The following KNTC1 variants were observed in gnomAD, a reference collection of about 807,000 sequenced individuals.
KNTC1 encodes kinetochore-associated protein 1.
A neutral mutation model predicts 314.4 loss-of-function variants in KNTC1; 253 were observed. The ratio of observed to expected loss-of-function variants is 0.80; its 90% CI spans 0.73 to 0.89. The LOEUF is 0.89. KNTC1 is among the 40% of genes least tolerant of loss of function. The pLI, the probability that KNTC1 is intolerant of heterozygous loss-of-function variation, is 0.00. For missense variants in KNTC1, 2,475 were observed against 2,572.9 expected, an observed-to-expected ratio of 0.96 and a Z score of 0.82; for synonymous variants, 901 against 901.4, an observed-to-expected ratio of 1.00 and a Z score of 0.01.
At chr12:122,585,343 G>A (rs111858655) in intron 36 of KNTC1, among the ~76,000 whole-genome samples, 4 of 152,108 alleles carry the variant, frequency 2.6e-5, no homozygotes, top group East Asian at 1.9e-4. Context: ...CACCTGGGCC[G>A]TTTTTTAATC....
chr12:122,614,047 T>C (rs913739662), intron 55 of KNTC1, among the ~76,000 whole-genome samples: 4 of 152,102 alleles, frequency 2.6e-5, no homozygotes, highest in African/African-American at 9.7e-5. Flanking sequence ...GCCAGGCTGG[T>C]CTCGAACTCC....
At chr12:122,540,126 T>C (rs1962178061) in intron 5 of KNTC1, among the ~76,000 whole-genome samples, 1 of 151,746 alleles carries the variant, frequency 6.6e-6, no homozygotes, top group African/African-American at 2.4e-5. Context: ...TTCAAATTTG[T>C]GGTTAATAAA....
At chr12:122,559,983 A>G (rs1312359781) in intron 18 of KNTC1, among the ~76,000 whole-genome samples, 1 of 152,194 alleles carries the variant, frequency 6.6e-6, no homozygotes, top group African/African-American at 2.4e-5. Flanking sequence ...AACTCTGCCC[A>G]TTAAACACAG....
chr12:122,530,226 G>C, intron 2 of KNTC1, 34 bp downstream of exon 2: 4 of 1,599,110 alleles, frequency 2.5e-6, no homozygotes, highest in Non-Finnish European at 3.4e-6. Flanking sequence ...TTCATTCACA[G>C]AATTTTTACT....
intron 24 of KNTC1, among the ~76,000 whole-genome samples, chr12:122,571,924 C>T (rs908638545): frequency 6.6e-6 from 1 of 151,738 alleles, no homozygotes; most frequent in African/African-American, 2.4e-5. Flanking sequence ...CTGCACTGCT[C>T]GGCCTCCCAA....
intron 36 of KNTC1, among the ~76,000 whole-genome samples, chr12:122,585,204 A>T (rs536390184): frequency 1.3e-5 from 2 of 151,530 alleles, no homozygotes; most frequent in East Asian, 1.9e-4. Flanking sequence ...CTGACTAATT[A>T]AAAAAAAATT....
At chr12:122,535,477 C>T (rs1961721196) in intron 3 of KNTC1, among the ~76,000 whole-genome samples, 1 of 152,126 alleles carries the variant, frequency 6.6e-6, no homozygotes, top group East Asian at 1.9e-4. Context: ...CCCGTTTTCT[C>T]TACTAATATA....
chr12:122,624,419 A>G (rs1041450078), intron 62 of KNTC1, among the ~76,000 whole-genome samples, 179 bp from the exon 63 acceptor site: 1 of 152,034 alleles, frequency 6.6e-6, no homozygotes, highest in Non-Finnish European at 1.5e-5. Flanking sequence ...CAAGTGTGCA[A>G]CACCACACCT....
chr12:122,553,194 A>G (rs1415779337), intron 16 of KNTC1, among the ~76,000 whole-genome samples: 1 of 151,252 alleles, frequency 6.6e-6, no homozygotes, highest in Non-Finnish European at 1.5e-5. Context: ...TAGTGGGTGG[A>G]ATCAGCAGGA....
At chr12:122,591,596 G>T in intron 42 of KNTC1, 143 bp downstream of exon 42, 1 of 553,620 alleles carries the variant, frequency 1.8e-6, no homozygotes, top group South Asian at 2.4e-5. Context: ...ACACATAGGT[G>T]CTTTCAAAGA....
chr12:122,536,247 A>G (rs1458875381), intron 3 of KNTC1, among the ~76,000 whole-genome samples: 1 of 143,066 alleles, frequency 7.0e-6, no homozygotes, highest in Admixed American at 7.0e-5. Flanking sequence ...TTTTTTTTTG[A>G]GATGTAGTCT....
In KNTC1 at chr12:122,530,154, T is replaced by G; in HGVS notation, c.91T>G (p.Tyr31Asp). 6.2e-7 allele frequency: 1 copy of G among 1,613,702 alleles called. No homozygotes were observed. Among genetic ancestry groups the G allele is most frequent in the Non-Finnish European group, 8.5e-7 (1 of 1,179,658 alleles). Reference sequence around the variant, plus strand: ...AAGAAAAGAACATGGAACTGCTTTATATCAAGTAGATTTGCTAGTGAAGAT... The same window carrying G: ...AAGAAAAGAACATGGAACTGCTTTAGATCAAGTAGATTTGCTAGTGAAGAT... ...GSRKEHGTAL[Y>D]QVDLLVKISS... The change falls in exon 2 of 64, where the codon TAT becomes GAT. Residue 31 changes from tyrosine to aspartate, a missense_variant. Transcript: ENST00000333479.
At chr12:122,529,574 A>G (rs1370978803) in intron 1 of KNTC1, among the ~76,000 whole-genome samples, 1 of 152,192 alleles carries the variant, frequency 6.6e-6, no homozygotes, top group Non-Finnish European at 1.5e-5. Context: ...TCTGAACTTC[A>G]TCTGGAATCT....
chr12:122,598,850 C>T (rs1175168778), intron 44 of KNTC1, among the ~76,000 whole-genome samples: 1 of 151,598 alleles, frequency 6.6e-6, no homozygotes, highest in Non-Finnish European at 1.5e-5. Context: ...CTCACTGTCA[C>T]CCAGGCTGGA....
intron 44 of KNTC1, 32 bp from the exon 45 acceptor site, chr12:122,601,504 T>A: frequency 6.7e-7 from 1 of 1,494,470 alleles, no homozygotes; most frequent in Non-Finnish European, 9.0e-7. Context: ...CAAAGTCTTA[T>A]CAAGTTTTGA....
chr12:122,608,631 C>G (rs1397548065), intron 51 of KNTC1, among the ~76,000 whole-genome samples: 1 of 152,160 alleles, frequency 6.6e-6, no homozygotes, highest in African/African-American at 2.4e-5. Flanking sequence ...AAGGTACACA[C>G]TAAAAGTTCC....
chr12:122,591,879 C>T lies in KNTC1; in HGVS notation c.4245+426C>T, dbSNP rs139213889. On this transcript the variant is annotated intron_variant, in intron 42 of 63. Coordinates refer to ENST00000333479, the MANE Select transcript of KNTC1 (RefSeq NM_014708.6). The stretch of plus-strand genomic sequence containing the variant: ...GTGTGCGGGCAGTCCTCACAGCCCT[C>T]GCTCGCTCTCGGCGCCTCCTCTGCC... Among the ~76,000 whole-genome samples the T allele has an allele frequency of 8.5e-3, 1,300 of 152,346 alleles. 17 individuals carry two copies. Among genetic ancestry groups the T allele is most frequent in the African/African-American group, 0.03 (1,257 of 41,568 alleles).
At position 122,604,969 on chromosome 12, in the gene KNTC1, G is replaced by A. The variant is rs1212011326; in HGVS notation, c.5268G>A (p.Lys1756=). The A allele has an allele frequency of 4.3e-6, 7 of 1,612,616 alleles. No homozygotes were observed. The South Asian group carries it at 6.6e-5, about 15-fold the overall frequency. ...CAGAAGCTGTGCTCATAGCCCACAA[G>A]CTGAACACTGAGGAATATTTAAGAG... The part of the protein sequence containing the change: ...SGTEAVLIAH[K]LNTEEYLRVI... Residue 1756 remains lysine (K), a synonymous_variant, in exon 50 of 64, where the codon AAG becomes AAA. Transcript: ENST00000333479.
Position 122,584,304 on chromosome 12 carries a change from C to G in KNTC1, c.3290C>G (p.Ala1097Gly), listed in dbSNP as rs1565985244. ...GACTTGTTTAAGTATCACTGCAATGCTGACACTGGGAAATTGCTATTTCTG... is the reference window on the plus strand; with the variant it reads ...GACTTGTTTAAGTATCACTGCAATGGTGACACTGGGAAATTGCTATTTCTG... ...CSDLFKYHCN[A>G]DTGKLLFLTC... The change falls in exon 35 of 64, where the codon GCT (alanine) becomes GGT (glycine). Residue 1097 changes from alanine to glycine, a missense_variant. By Grantham distance (60) the Ala-to-Gly change is moderately conservative. Transcript: ENST00000333479. 6.2e-7 allele frequency: 1 copy of G among 1,613,138 alleles called. No homozygotes were observed. The highest frequency in any genetic ancestry group is 2.2e-5 in the East Asian group (1 of 44,874).
Sources: allele counts gnomAD v4.1 joint callset (sites outside exome capture counted in the v4.1 genomes callset), GRCh38; gene constraint gnomAD v4.1.1; transcripts MANE v1.5; gene names NCBI Gene and HGNC (gene_info 2026-07-23, HGNC 2026-07-21).